Variants in IL1RAPL2 observed in about 807,000 individuals in gnomAD.
The protein encoded by IL1RAPL2 is interleukin 1 receptor accessory protein like 2.
In IL1RAPL2, 3 loss-of-function variants were observed where a neutral mutation model predicts 44.1. The observed-to-expected ratio is 0.07, with a 90% CI of 0.03 to 0.18. IL1RAPL2 has a LOEUF of 0.18. IL1RAPL2 is among the 10% of genes least tolerant of loss of function. IL1RAPL2 has a pLI of 1.00. For synonymous variants in IL1RAPL2, 181 were observed against 178.8 expected (o/e 1.01, Z -0.10); for missense variants, 391 against 496.4 (o/e 0.79, Z 2.02).
At chrX:105,307,276 T>A (rs1386733152) in intron 5 of IL1RAPL2, among the ~76,000 whole-genome samples, 3 of 95,537 alleles carry the variant, frequency 3.1e-5, no homozygotes, top group African/African-American at 1.2e-4. Context: ...AAAAAAAAAT[T>A]TTTTTTTAAA....
intron 2 of IL1RAPL2, among the ~76,000 whole-genome samples, chrX:105,016,762 G>C (rs1388519252): frequency 9.0e-6 from 1 of 111,288 alleles, no homozygotes; most frequent in Non-Finnish European, 1.9e-5. Flanking sequence ...CATGGATATT[G>C]ACCTGAAATT....
intron 6 of IL1RAPL2, among the ~76,000 whole-genome samples, chrX:105,598,285 A>G (rs1380243605): frequency 9.0e-6 from 1 of 110,613 alleles, no homozygotes; most frequent in Non-Finnish European, 1.9e-5. Context: ...GAAACAGAAG[A>G]GGGCAGTGGT....
At chrX:104,620,513 G>A (rs1212343203) in intron 1 of IL1RAPL2, among the ~76,000 whole-genome samples, 3 of 105,056 alleles carry the variant, frequency 2.9e-5, no homozygotes, top group East Asian at 3.0e-4. Context: ...GGTGGCGGGT[G>A]CCTGTAGTCC....
chrX:105,146,875 C>T (rs912150171), intron 2 of IL1RAPL2, among the ~76,000 whole-genome samples: 2 of 111,552 alleles, frequency 1.8e-5, no homozygotes. Context: ...ATTGGTTTGG[C>T]GTAAAAAGGC....
At chrX:105,292,372 C>T (rs143330884) in intron 5 of IL1RAPL2, among the ~76,000 whole-genome samples, 1 of 112,293 alleles carries the variant, frequency 8.9e-6, no homozygotes, top group Non-Finnish European at 1.9e-5. Flanking sequence ...TTCAGCTAAT[C>T]CTTAAGAAAC....
intron 2 of IL1RAPL2, among the ~76,000 whole-genome samples, chrX:104,678,945 A>C (rs758481655): frequency 1.8e-5 from 2 of 111,575 alleles, no homozygotes; most frequent in Non-Finnish European, 3.8e-5. Context: ...CATGTTCTGC[A>C]CATGTATGTC....
chrX:105,089,671 G>C (rs1457588899), intron 2 of IL1RAPL2, among the ~76,000 whole-genome samples: 2 of 111,754 alleles, frequency 1.8e-5, no homozygotes, highest in Non-Finnish European at 3.8e-5. Context: ...AAAACTAATA[G>C]CCAGTGTGAG....
intron 1 of IL1RAPL2, among the ~76,000 whole-genome samples, chrX:104,588,786 G>A (rs1264212142): frequency 8.9e-6 from 1 of 111,917 alleles, no homozygotes; most frequent in Non-Finnish European, 1.9e-5. Flanking sequence ...CTTCACTGTG[G>A]CTTTCACAGA....
At chrX:105,001,276 T>G (rs2073457477) in intron 2 of IL1RAPL2, among the ~76,000 whole-genome samples, 2 of 111,239 alleles carry the variant, frequency 1.8e-5, no homozygotes, top group Non-Finnish European at 1.9e-5. Context: ...CCTATCTGAT[T>G]AGACTTCCTA....
At chrX:105,224,858 T>C (rs1556186863) in intron 3 of IL1RAPL2, among the ~76,000 whole-genome samples, 1 of 111,784 alleles carries the variant, frequency 8.9e-6, no homozygotes, top group African/African-American at 3.2e-5. Context: ...TTGTTCTTAA[T>C]AGAAACATCA....
intron 5 of IL1RAPL2, among the ~76,000 whole-genome samples, chrX:105,404,218 C>T (rs1321257296): frequency 8.9e-6 from 1 of 111,787 alleles, no homozygotes; most frequent in Non-Finnish European, 1.9e-5. Context: ...TGACAAAGTA[C>T]TAGAAAAGAG....
At chrX:105,313,853 G>T (rs2034816899) in intron 5 of IL1RAPL2, among the ~76,000 whole-genome samples, 1 of 110,613 alleles carries the variant, frequency 9.0e-6, no homozygotes, top group South Asian at 3.8e-4. Flanking sequence ...GGAGGGGTGG[G>T]GAAACACAGA....
intron 6 of IL1RAPL2, among the ~76,000 whole-genome samples, chrX:105,593,236 G>A (rs753619318): frequency 9.0e-6 from 1 of 111,677 alleles, no homozygotes; most frequent in African/African-American, 3.3e-5. Context: ...GTTAATATTT[G>A]TGACTGTATT....
rs778378667 is a variant in IL1RAPL2, at chrX:105,163,843, C to T, written c.83-31632C>T. ...AAGGTCCTTTCCTATGTAAACTTGT[C>T]TGTCATGTCACTGAACTTTATCTAA... On this transcript the variant is annotated intron_variant, in intron 2 of 10. Transcript: ENST00000372582. 9.0e-5 allele frequency among the ~76,000 whole-genome samples: 10 copies of T among 110,979 alleles called. No individual in the cohort carries two copies. The South Asian group carries it at 3.5e-3, about 39-fold the overall frequency.
intron 1 of IL1RAPL2, among the ~76,000 whole-genome samples, chrX:104,581,990 C>T (rs1461408377): frequency 2.7e-5 from 3 of 111,999 alleles, no homozygotes; most frequent in African/African-American, 9.7e-5. Context: ...TGCCCAAACT[C>T]TTTCTGGGGT....
intron 3 of IL1RAPL2, among the ~76,000 whole-genome samples, chrX:105,206,684 C>A (rs782416626): frequency 3.6e-5 from 4 of 111,816 alleles, no homozygotes; most frequent in Non-Finnish European, 1.9e-5. Context: ...AATAGAGATT[C>A]CAAGTTCATG....
At chrX:105,658,699 G>A (rs1055322413) in intron 6 of IL1RAPL2, among the ~76,000 whole-genome samples, 3 of 109,047 alleles carry the variant, frequency 2.8e-5, no homozygotes, top group African/African-American at 1.0e-4. Flanking sequence ...GGTGCCTCAC[G>A]CCTGTAACCC....
chrX:105,036,411 C>T (rs1345271312), intron 2 of IL1RAPL2, among the ~76,000 whole-genome samples: 1 of 111,967 alleles, frequency 8.9e-6, no homozygotes, highest in Non-Finnish European at 1.9e-5. Context: ...GGATCAATCT[C>T]TGGTATTTTA....
intron 2 of IL1RAPL2, among the ~76,000 whole-genome samples, chrX:105,129,132 G>C (rs367834046): frequency 5.4e-5 from 6 of 110,652 alleles, no homozygotes; most frequent in South Asian, 3.8e-4. Context: ...CTTAGACTGG[G>C]TAATTTATAA....
Sources: allele counts gnomAD v4.1 joint callset (sites outside exome capture counted in the v4.1 genomes callset), GRCh38; gene constraint gnomAD v4.1.1; transcripts MANE v1.5; gene names NCBI Gene and HGNC (gene_info 2026-07-23, HGNC 2026-07-21).